EXOC4: variants seen among roughly 807,000 people sequenced by gnomAD.
EXOC4 encodes the protein SEC8-like 1.
In EXOC4, 71 loss-of-function variants were observed where a neutral mutation model predicts 107.2. The observed-to-expected ratio is 0.66, with a 90% CI of 0.55 to 0.81. The LOEUF (loss-of-function observed/expected upper bound fraction) is 0.81. EXOC4 is among the 30% of genes least tolerant of loss of function. The pLI is 0.00. For missense variants in EXOC4, 1,108 were observed against 1,189.6 expected, an observed-to-expected ratio of 0.93 and a Z score of 1.01; for synonymous variants, 456 against 441.2, an observed-to-expected ratio of 1.03 and a Z score of -0.42.
intron 15 of EXOC4, among the ~76,000 whole-genome samples, chr7:133,998,023 T>C (rs1214471042): frequency 6.6e-6 from 1 of 152,190 alleles, no homozygotes; most frequent in African/African-American, 2.4e-5. Context: ...AAGTAAGTGC[T>C]CAAAATATGG....
intron 10 of EXOC4, among the ~76,000 whole-genome samples, chr7:133,648,704 G>A (rs1026696786): frequency 5.9e-5 from 9 of 152,038 alleles, no homozygotes; most frequent in South Asian, 2.1e-4. Context: ...GGAAAAGGTC[G>A]AATAAAGGAT....
intron 1 of EXOC4, among the ~76,000 whole-genome samples, chr7:133,260,797 G>A (rs527246465): frequency 3.6e-4 from 55 of 152,198 alleles, no homozygotes; most frequent in African/African-American, 1.2e-3. Flanking sequence ...GCAATTGTGT[G>A]TGTGTGTGTG....
intron 10 of EXOC4, among the ~76,000 whole-genome samples, chr7:133,725,610 A>G (rs1795198665): frequency 6.6e-6 from 1 of 152,136 alleles, no homozygotes; most frequent in East Asian, 1.9e-4. Flanking sequence ...TGCAGACCTC[A>G]GGTTATCCAG....
At chr7:133,960,692 C>CT (rs2116833405) in intron 14 of EXOC4, among the ~76,000 whole-genome samples, 1 of 152,214 alleles carries the variant, frequency 6.6e-6, no homozygotes, top group Non-Finnish European at 1.5e-5. Flanking sequence ...GGCGGGTTAT[C>CT]TTTCTGATAT....
intron 10 of EXOC4, among the ~76,000 whole-genome samples, chr7:133,781,212 CT>C (rs1463909592): frequency 6.6e-6 from 1 of 152,210 alleles, no homozygotes; most frequent in Non-Finnish European, 1.5e-5. Context: ...GTGAAGAAGG[CT>C]TTTGGAAGCA....
At chr7:133,612,465 GAA>G (rs996526106) in intron 9 of EXOC4, among the ~76,000 whole-genome samples, 49 of 152,330 alleles carry the variant, frequency 3.2e-4, no homozygotes, top group African/African-American at 1.2e-3. Flanking sequence ...CAGTTCTGGG[GAA>G]AGAGTGTTGA....
At chr7:133,579,293 C>T (rs1801198857) in intron 9 of EXOC4, among the ~76,000 whole-genome samples, 1 of 152,044 alleles carries the variant, frequency 6.6e-6, no homozygotes, top group Non-Finnish European at 1.5e-5. Context: ...AAATGTAGTA[C>T]CTGACATGAG....
chr7:134,024,246 C>T (rs890722662), intron 17 of EXOC4, among the ~76,000 whole-genome samples: 7 of 152,056 alleles, frequency 4.6e-5, no homozygotes, highest in African/African-American at 1.4e-4. Context: ...GTCAGGAGAT[C>T]GAGACCATCC....
intron 9 of EXOC4, among the ~76,000 whole-genome samples, chr7:133,493,540 C>T (rs1799416609): frequency 6.6e-6 from 1 of 152,174 alleles, no homozygotes; most frequent in African/African-American, 2.4e-5. Context: ...CATCATTCGT[C>T]ACACATAGGA....
rs182913594 is a variant in EXOC4, at chr7:134,003,062, A to G, written c.2349-1850A>G. 1.6e-3 allele frequency among the ~76,000 whole-genome samples: 237 copies of G among 152,312 alleles called. 1 individual carries two copies. The highest frequency in any genetic ancestry group is 5.3e-3 in the African/African-American group (220 of 41,582). On this transcript the variant is annotated intron_variant, in intron 15 of 17. Transcript: ENST00000253861. ...TTATCCACAACCACCTAAACCTGGA[A>G]AGAATCTAAATATCAATGGGCGAAT...
chr7:133,555,233 G>C (rs1037720320), intron 9 of EXOC4, among the ~76,000 whole-genome samples: 1 of 152,162 alleles, frequency 6.6e-6, no homozygotes, highest in African/African-American at 2.4e-5. Context: ...TAATGGTTAA[G>C]AAGATGGTAA....
rs1799225614 is a variant in EXOC4 at position 133,484,333 on chromosome 7, G to A, written c.1417+4195G>A. On this transcript the variant is annotated intron_variant, in intron 9 of 17. Transcript: ENST00000253861. Reference sequence around the variant, plus strand: ...TGCTTCAAAATGTGTGAGATACCAGGTGGAGATCTAACTTGTGGGTGTGTC... The same window carrying A: ...TGCTTCAAAATGTGTGAGATACCAGATGGAGATCTAACTTGTGGGTGTGTC... 7.5e-6 allele frequency: 4 copies of A among 532,066 alleles called. No individual in the cohort carries two copies. The South Asian group carries it at 1.2e-4, about 16-fold the overall frequency. The allele number at this position is 532,066 out of a possible 1,614,324, so 33.0% of individuals were successfully genotyped here.
At chr7:133,935,284 G>A (rs559746462) in intron 13 of EXOC4, among the ~76,000 whole-genome samples, 1 of 152,106 alleles carries the variant, frequency 6.6e-6, no homozygotes, top group Non-Finnish European at 1.5e-5. Flanking sequence ...GCTTAAGAGA[G>A]CTTCCTTGAT....
At chr7:133,730,264 G>A (rs1304661227) in intron 10 of EXOC4, among the ~76,000 whole-genome samples, 1 of 150,684 alleles carries the variant, frequency 6.6e-6, no homozygotes, top group Non-Finnish European at 1.5e-5. Context: ...ATAATTGATT[G>A]CAACAATATG....
intron 10 of EXOC4, among the ~76,000 whole-genome samples, chr7:133,751,916 G>A (rs745413924): frequency 2.0e-5 from 3 of 151,712 alleles, no homozygotes; most frequent in Non-Finnish European, 2.9e-5. Flanking sequence ...AGGCCAAGGT[G>A]GGAGAATCGC....
chr7:133,956,932 T>G (rs756540054), intron 14 of EXOC4, among the ~76,000 whole-genome samples: 1 of 152,186 alleles, frequency 6.6e-6, no homozygotes, highest in Non-Finnish European at 1.5e-5. Flanking sequence ...GAGCATGTTT[T>G]CTATGCATTT....
At chr7:134,034,023 C>T (rs1333442254) in intron 17 of EXOC4, among the ~76,000 whole-genome samples, 1 of 152,122 alleles carries the variant, frequency 6.6e-6, no homozygotes, top group Non-Finnish European at 1.5e-5. Flanking sequence ...TTTGAGAATG[C>T]ATTTAAGCAA....
intron 9 of EXOC4, among the ~76,000 whole-genome samples, chr7:133,626,209 A>G (rs1233971304): frequency 1.3e-5 from 2 of 150,596 alleles, no homozygotes; most frequent in Non-Finnish European, 3.0e-5. Flanking sequence ...TCCATCTCCA[A>G]AAAAAAAAGG....
chr7:133,895,500 C>A, intron 11 of EXOC4, 99 bp from the exon 12 acceptor site: 1 of 1,231,988 alleles, frequency 8.1e-7, no homozygotes, highest in Non-Finnish European at 1.2e-6. Context: ...TGCAGGAGAG[C>A]TCAGGTACCT....
Sources: allele counts gnomAD v4.1 joint callset (sites outside exome capture counted in the v4.1 genomes callset), GRCh38; gene constraint gnomAD v4.1.1; transcripts MANE v1.5; gene names NCBI Gene and HGNC (gene_info 2026-07-23, HGNC 2026-07-21).